The following MEFV variants were observed in gnomAD, a reference collection of about 807,000 sequenced individuals.
MEFV encodes MEFV innate immunity regulator, pyrin, also known as pyrin.
MEFV carries 60 observed loss-of-function variants against 62.5 expected under a neutral mutation model. The observed-to-expected ratio is 0.96, with a 90% CI of 0.78 to 1.19. The LOEUF is 1.19. Ranked by LOEUF, MEFV falls within the 50% of genes most tolerant of loss-of-function variation. The pLI is 0.00. For missense variants in MEFV, 1,169 were observed against 1,004.5 expected (o/e 1.16, Z -2.21); for synonymous variants, 500 against 415.2 (o/e 1.20, Z -2.48).
Position 3,243,200 on chromosome 16 carries a change from C to T in MEFV, c.2287G>A (p.Gly763Arg), listed in dbSNP as rs2141664466. 1 of 1,614,090 alleles carries T rather than the reference C, an allele frequency of 6.2e-7. No individual in the cohort carries two copies. The highest frequency in any genetic ancestry group is 8.5e-7 in the Non-Finnish European group (1 of 1,180,034). ...GTCAGAGGAGCTGTGTTCTTCCCTCCATCACGTGTCCCAGGGCTGAAGATA... is the reference window on the plus strand; with the variant it reads ...GTCAGAGGAGCTGTGTTCTTCCCTCTATCACGTGTCCCAGGGCTGAAGATA... Reference protein sequence around the residue: ...QPIFSPGTRDGGKNTAPLTIC... With the variant: ...QPIFSPGTRDRGKNTAPLTIC... Residue 763 changes from glycine (G) to arginine (R), a missense_variant, in exon 10 of 10, where the codon GGA (glycine) becomes AGA (arginine). Coordinates refer to ENST00000219596, the MANE Select transcript of MEFV (RefSeq NM_000243.3).
rs998381461 is a variant in MEFV at position 3,242,964 on chromosome 16, A to C, written c.*177T>G. 9 of 689,974 alleles carry C rather than the reference A, an allele frequency of 1.3e-5. No homozygotes were observed. The highest frequency in any genetic ancestry group is 6.6e-5 in the Admixed American group (3 of 45,138). The allele number at this position is 689,974 out of a possible 1,614,324, so 42.7% of individuals were successfully genotyped here. ...TACATGTCTTCACCCGGATTGACTA[A>C]CATGTTCGTTCCTAACTTACCTCTG... On this transcript the variant is annotated 3_prime_UTR_variant, in exon 10 of 10. Coordinates refer to ENST00000219596, the MANE Select transcript of MEFV (RefSeq NM_000243.3).
At chr16:3,251,478 C>T (rs1486198828) in intron 2 of MEFV, among the ~76,000 whole-genome samples, 2 of 152,164 alleles carry the variant, frequency 1.3e-5, no homozygotes, top group Admixed American at 6.5e-5. Flanking sequence ...TCCTGGCCCA[C>T]GGATCTGCCT....
chr16:3,254,880 T>C (rs1220999669), intron 1 of MEFV, 90 bp from the exon 2 acceptor site: 12 of 1,593,338 alleles, frequency 7.5e-6, no homozygotes, highest in Non-Finnish European at 1.0e-5. Flanking sequence ...CCCTTGGATA[T>C]TAAAGTTTAG....
At position 3,243,589 on chromosome 16, in the gene MEFV, G is replaced by A. The variant is rs976279218; in HGVS notation, c.1898C>T (p.Pro633Leu). The A allele has an allele frequency of 6.9e-6, 11 of 1,603,042 alleles. No homozygotes were observed. The Admixed American group carries it at 8.5e-5, about 12-fold the overall frequency. ...GNKWERLPDGPQRFDSCIIVL... is the reference protein window; with the variant it reads ...GNKWERLPDGLQRFDSCIIVL... ...AATGATACAGCTGTCAAATCTTTGC[G>A]GGCCATCAGGCAGCCTCTCCCACTT... Residue 633 changes from proline to leucine, a missense_variant, in exon 10 of 10, where the codon CCG becomes CTG. By Grantham distance (98) the Pro-to-Leu change is moderately conservative. Coordinates refer to ENST00000219596, the MANE Select transcript of MEFV (RefSeq NM_000243.3).
At chr16:3,245,544 G>C (rs2141667427) in intron 6 of MEFV, among the ~76,000 whole-genome samples, 1 of 152,216 alleles carries the variant, frequency 6.6e-6, no homozygotes, top group Middle Eastern at 3.4e-3. Context: ...TGAGGTGGGA[G>C]AATCCCTTGA....
intron 2 of MEFV, among the ~76,000 whole-genome samples, chr16:3,253,219 A>C (rs1959062853): frequency 6.6e-6 from 1 of 152,120 alleles, no homozygotes; most frequent in Non-Finnish European, 1.5e-5. Context: ...CAGTTACCTT[A>C]AGATCATTTA....
rs1366885918 is a variant in MEFV, at chr16:3,243,155, G to C, written c.2332C>G (p.Gln778Glu). ...APLTICPVGG[Q>E]GPD is the part of the protein sequence containing the mutation. ...GTGTTGGGCATTCAGTCAGGCCCCT[G>C]ACCACCCACTGGACAGATAGTCAGA... Residue 778 changes from glutamine to glutamate, a missense_variant, in exon 10 of 10, where the codon CAG (glutamine) becomes GAG (glutamate). Coordinates refer to ENST00000219596, the MANE Select transcript of MEFV (RefSeq NM_000243.3). 8.1e-6 allele frequency: 13 copies of C among 1,613,454 alleles called. No homozygotes were observed. Among genetic ancestry groups the C allele is most frequent in the Non-Finnish European group, 1.1e-5 (13 of 1,180,038 alleles).
At chr16:3,254,904 C>T in intron 1 of MEFV, 114 bp from the exon 2 acceptor site, 1 of 1,555,802 alleles carries the variant, frequency 6.4e-7, no homozygotes, top group South Asian at 1.1e-5. Flanking sequence ...TTGAGGAAAA[C>T]AACGGGCCGG....
chr16:3,243,185 C>G lies in MEFV; in HGVS notation c.2302G>C (p.Ala768Pro). 1 of 1,614,036 alleles carries G rather than the reference C, an allele frequency of 6.2e-7. No homozygotes were observed. The highest frequency in any genetic ancestry group is 8.5e-7 in the Non-Finnish European group (1 of 1,180,030). ...CCCACTGGACAGATAGTCAGAGGAG[C>G]TGTGTTCTTCCCTCCATCACGTGTC... ...PGTRDGGKNT[A>P]PLTICPVGGQ... Residue 768 changes from alanine to proline, a missense_variant, in exon 10 of 10, where the codon GCT becomes CCT. Transcript: ENST00000219596.
Position 3,254,417 on chromosome 16 carries a change from C to G in MEFV, c.651G>C (p.Ala217=), listed in dbSNP as rs886051971. The G allele has an allele frequency of 1.2e-6, 2 of 1,612,736 alleles. No individual in the cohort carries two copies. The highest frequency in any genetic ancestry group is 1.7e-6 in the Non-Finnish European group (2 of 1,179,724). Residue 217 remains alanine (A), a synonymous_variant, in exon 2 of 10, where the codon GCG becomes GCC. Transcript: ENST00000219596. The part of the protein sequence containing the change: ...ASSAGRLQGL[A]GGAPGQKECR... ...ACTCCTTCTGCCCCGGGGCGCCCCC[C>G]GCCAGCCCCTGCAGCCTCCCCGCGG...
At position 3,256,361 on chromosome 16, in the gene MEFV, G is replaced by C; in HGVS notation, c.227C>G (p.Ala76Gly). 6.2e-7 allele frequency: 1 copy of C among 1,614,024 alleles called. No homozygotes were observed. The highest frequency in any genetic ancestry group is 8.5e-7 in the Non-Finnish European group (1 of 1,180,032). Reference sequence around the variant, plus strand: ...CTCGGCCAGCAGGCGCTGGTTGATGGCCCGCAGGACCTGCAGGGTGAGCTG... The same window carrying C: ...CTCGGCCAGCAGGCGCTGGTTGATGCCCCGCAGGACCTGCAGGGTGAGCTG... ...AVQLTLQVLRAINQRLLAEEL... is the reference protein window; with the variant it reads ...AVQLTLQVLRGINQRLLAEEL... The change falls in exon 1 of 10, where the codon GCC becomes GGC. Residue 76 changes from alanine (A) to glycine (G), a missense_variant. Transcript: ENST00000219596.
chr16:3,250,174 G>T (rs764608306), intron 2 of MEFV, among the ~76,000 whole-genome samples: 14 of 152,226 alleles, frequency 9.2e-5, no homozygotes, highest in Non-Finnish European at 2.1e-4. Context: ...GCTTCCAGGG[G>T]ATGGTGACTT....
chr16:3,244,656 G>A lies in MEFV; in HGVS notation c.1611-68C>T, dbSNP rs1158683107. ...GGGTGGCCCAAGTACCCGTGAGCTGGAAATGAACTACATTCTCCACAGGGC... is the reference window on the plus strand; with the variant it reads ...GGGTGGCCCAAGTACCCGTGAGCTGAAAATGAACTACATTCTCCACAGGGC... On this transcript the variant is annotated intron_variant, in intron 6 of 9. Coordinates refer to ENST00000219596, the MANE Select transcript of MEFV (RefSeq NM_000243.3). 21 of 1,150,906 alleles carry A rather than the reference G, an allele frequency of 1.8e-5. No homozygotes were observed. In the Admixed American group the frequency reaches 3.6e-4, roughly 20 times the overall value. The allele number at this position is 1,150,906 out of a possible 1,614,324, so 71.3% of individuals were successfully genotyped here. A position where few individuals can be genotyped will look rare whatever the true frequency, so the allele number is the denominator to read the frequency against.
rs1959090165 is a variant in MEFV at position 3,254,676 on chromosome 16, C to T, written c.392G>A (p.Gly131Asp). Residue 131 changes from glycine to aspartate, a missense_variant, in exon 2 of 10, where the codon GGC becomes GAC. By Grantham distance (94) the Gly-to-Asp change is moderately conservative. Coordinates refer to ENST00000219596, the MANE Select transcript of MEFV (RefSeq NM_000243.3). ...PDHPEGNEGN[G>D]PRPYGGGAAS... ...AGCTCCGCCCCCGTACGGCCGAGGG[C>T]CGTTCCCCTCGTTCCCCTCGGGGTG... 2 of 1,612,166 alleles carry T rather than the reference C, an allele frequency of 1.2e-6. No individual in the cohort carries two copies. The highest frequency in any genetic ancestry group is 1.7e-6 in the Non-Finnish European group (2 of 1,179,840).
At chr16:3,252,002 A>G in intron 2 of MEFV, 1 of 428,226 alleles carries the variant, frequency 2.3e-6, no homozygotes, top group Non-Finnish European at 4.7e-6. Flanking sequence ...GGATTGTTTG[A>G]GATCAGGAGT....
At chr16:3,250,282 A>G (rs757581841) in intron 2 of MEFV, among the ~76,000 whole-genome samples, 2 of 152,222 alleles carry the variant, frequency 1.3e-5, no homozygotes, top group African/African-American at 2.4e-5. Context: ...TAAATAGACC[A>G]CTGCTCACAT....
At chr16:3,244,639 C>G (rs1311103983) in intron 6 of MEFV, 51 bp from the exon 7 acceptor site, 3 of 1,362,046 alleles carry the variant, frequency 2.2e-6, no homozygotes, top group Non-Finnish European at 3.1e-6. Context: ...GGGGGTGGCC[C>G]AAGTACCCGT....
At chr16:3,247,524 T>C (rs1198803974) in intron 4 of MEFV, 4 of 486,386 alleles carry the variant, frequency 8.2e-6, no homozygotes, top group South Asian at 2.3e-5. Context: ...TAACCCCCAG[T>C]ACTCAGCATG....
chr16:3,246,090 C>T (rs1454975848), intron 6 of MEFV, among the ~76,000 whole-genome samples: 1 of 152,188 alleles, frequency 6.6e-6, no homozygotes, highest in Admixed American at 6.5e-5. Context: ...GTAAAGCTCC[C>T]AGGTGATTTT....
Sources: allele counts gnomAD v4.1 joint callset (sites outside exome capture counted in the v4.1 genomes callset), GRCh38; gene constraint gnomAD v4.1.1; transcripts MANE v1.5; gene names NCBI Gene and HGNC (gene_info 2026-07-23, HGNC 2026-07-21).